Variants in LTBP1 observed in about 807,000 individuals in gnomAD.
LTBP1 encodes latent transforming growth factor beta binding protein 1.
In LTBP1, 129 loss-of-function variants were observed where a neutral mutation model predicts 207.6. That is an observed-to-expected ratio of 0.62 (90% CI 0.54 to 0.72). The LOEUF is 0.72. Among genes scored for constraint, LTBP1 ranks in the 30% least tolerant of loss-of-function variants. The pLI is 0.00. For missense variants in LTBP1, 2,281 were observed against 2,217.2 expected, an observed-to-expected ratio of 1.03 and a Z score of -0.58; for synonymous variants, 963 against 833.7, an observed-to-expected ratio of 1.16 and a Z score of -2.67.
chr2:33,012,854 A>G (rs941016557), intron 2 of LTBP1, among the ~76,000 whole-genome samples: 1 of 152,224 alleles, frequency 6.6e-6, no homozygotes. Flanking sequence ...TACTCATCAT[A>G]CATATATACT....
intron 32 of LTBP1, among the ~76,000 whole-genome samples, chr2:33,395,316 A>G (rs902784122): frequency 5.9e-5 from 9 of 152,188 alleles, no homozygotes; most frequent in Non-Finnish European, 7.3e-5. Flanking sequence ...AAATAAACCT[A>G]TAACTGAGTG....
At chr2:33,338,767 G>A (rs2094581498) in intron 24 of LTBP1, among the ~76,000 whole-genome samples, 1 of 152,180 alleles carries the variant, frequency 6.6e-6, no homozygotes, top group Non-Finnish European at 1.5e-5. Context: ...GACGGAAGGA[G>A]TATGCACCAA....
At chr2:32,997,569 C>T (rs746596894) in intron 2 of LTBP1, among the ~76,000 whole-genome samples, 7 of 152,096 alleles carry the variant, frequency 4.6e-5, no homozygotes, top group Non-Finnish European at 1.0e-4. Context: ...GAGCGGCTTC[C>T]CCTGGGGTGC....
intron 20 of LTBP1, among the ~76,000 whole-genome samples, chr2:33,294,488 C>T (rs2093835742): frequency 6.6e-6 from 1 of 152,040 alleles, no homozygotes; most frequent in South Asian, 2.1e-4. Flanking sequence ...TGAGCCACCA[C>T]ACCTGGCTAG....
intron 5 of LTBP1, among the ~76,000 whole-genome samples, chr2:33,153,118 C>A (rs1313976193): frequency 6.6e-6 from 1 of 152,164 alleles, no homozygotes; most frequent in Non-Finnish European, 1.5e-5. Context: ...AAAATATTTA[C>A]TGTGCTTTCC....
chr2:33,259,869 G>A (rs1244645440), intron 13 of LTBP1, among the ~76,000 whole-genome samples: 1 of 152,248 alleles, frequency 6.6e-6, no homozygotes, highest in East Asian at 1.9e-4. Context: ...CAATTCTCGT[G>A]AGAAGAAAAT....
At chr2:33,153,897 C>T (rs55673259) in intron 5 of LTBP1, among the ~76,000 whole-genome samples, 65,926 of 152,032 alleles carry the variant, frequency 0.43, 15,202 homozygotes, top group Non-Finnish European at 0.5. Flanking sequence ...GCACCATTTT[C>T]CTTTAGGAAA....
At chr2:33,172,188 C>A (rs1320697914) in intron 5 of LTBP1, among the ~76,000 whole-genome samples, 3 of 152,180 alleles carry the variant, frequency 2.0e-5, no homozygotes, top group Admixed American at 2.0e-4. Flanking sequence ...GGACTAAATG[C>A]TCCAAGTAAA....
At chr2:33,261,186 G>A (rs549463260) in intron 13 of LTBP1, among the ~76,000 whole-genome samples, 34 of 152,284 alleles carry the variant, frequency 2.2e-4, no homozygotes, top group African/African-American at 6.5e-4. Flanking sequence ...CGACTGGACC[G>A]TATTTGTTAA....
intron 31 of LTBP1, among the ~76,000 whole-genome samples, chr2:33,369,857 C>A (rs1023691721): frequency 1.3e-5 from 2 of 152,200 alleles, no homozygotes; most frequent in African/African-American, 2.4e-5. Flanking sequence ...GATTAGTTGG[C>A]ATTCCCTTCA....
rs6706960 is a variant in LTBP1, at chr2:33,308,662, T to C, written c.3482-772T>C. Among the ~76,000 whole-genome samples, 463 of 152,322 alleles carry C rather than the reference T, an allele frequency of 3.0e-3. 1 individual carries two copies. The highest frequency in any genetic ancestry group is 0.01 in the African/African-American group (423 of 41,586). ...TGACAATTCTTATGTTACATTGGTT[T>C]GGACTTATAAAACAATGTAATATTT... On this transcript the variant is annotated intron_variant, in intron 22 of 33. Transcript: ENST00000404816.
At chr2:33,324,910 T>G (rs1434805141) in intron 24 of LTBP1, among the ~76,000 whole-genome samples, 1 of 152,134 alleles carries the variant, frequency 6.6e-6, no homozygotes, top group Non-Finnish European at 1.5e-5. Context: ...TTTCACTCTG[T>G]TAGCCGGGAT....
intron 15 of LTBP1, among the ~76,000 whole-genome samples, chr2:33,265,085 G>A (rs2093137428): frequency 6.6e-6 from 1 of 152,150 alleles, no homozygotes; most frequent in African/African-American, 2.4e-5. Flanking sequence ...TTTGAGCCCA[G>A]CACCCAGCAG....
At chr2:33,256,480 T>G (rs1048282467) in intron 11 of LTBP1, among the ~76,000 whole-genome samples, 1 of 152,014 alleles carries the variant, frequency 6.6e-6, no homozygotes, top group Non-Finnish European at 1.5e-5. Flanking sequence ...ATAGTGATTT[T>G]TTTTAACCTT....
intron 25 of LTBP1, among the ~76,000 whole-genome samples, chr2:33,346,844 C>T (rs1242106543): frequency 6.6e-6 from 1 of 151,210 alleles, no homozygotes; most frequent in Non-Finnish European, 1.5e-5. Context: ...TGGCTGGGCG[C>T]AGTGGCTCGC....
At chr2:32,969,229 TTG>T (rs201873946) in intron 2 of LTBP1, among the ~76,000 whole-genome samples, 8,757 of 131,424 alleles carry the variant, frequency 0.067, 549 homozygotes, top group African/African-American at 0.17. Flanking sequence ...CCTGGCCAAT[TTG>T]TGTGTGTGTG....
At chr2:33,231,295 T>G (rs1386060802) in intron 9 of LTBP1, among the ~76,000 whole-genome samples, 1 of 152,192 alleles carries the variant, frequency 6.6e-6, no homozygotes, top group Non-Finnish European at 1.5e-5. Flanking sequence ...TAAAATAAAT[T>G]TATGAAACCG....
At chr2:33,009,833 A>G (rs970737005) in intron 2 of LTBP1, among the ~76,000 whole-genome samples, 2 of 152,176 alleles carry the variant, frequency 1.3e-5, no homozygotes, top group African/African-American at 2.4e-5. Context: ...GGGACAGAAG[A>G]CATGCTAAGT....
intron 8 of LTBP1, among the ~76,000 whole-genome samples, chr2:33,220,214 C>G (rs959761742): frequency 8.5e-5 from 13 of 152,208 alleles, no homozygotes; most frequent in Admixed American, 8.5e-4. Flanking sequence ...GGGTCACATT[C>G]TTCCTGTGTC....
Sources: gnomAD v4.1 joint callset for allele counts (sites outside exome capture counted in the v4.1 genomes callset) on GRCh38, gnomAD v4.1.1 for gene constraint, MANE v1.5 for transcripts, NCBI Gene and HGNC (gene_info 2026-07-23, HGNC 2026-07-21) for gene names.